Variants in GLMN observed in about 807,000 individuals in gnomAD.
The protein encoded by GLMN is glomulin, FKBP associated protein.
In GLMN, 75 loss-of-function variants were observed where a neutral mutation model predicts 87.8. That is an observed-to-expected ratio of 0.85 (90% confidence interval 0.71 to 1.04). The LOEUF is 1.04. GLMN is among the 50% of genes least tolerant of loss of function. The pLI is 0.00. For missense variants in GLMN, 588 were observed against 658.8 expected (o/e 0.89, Z 1.18); for synonymous variants, 206 against 221.6 (o/e 0.93, Z 0.63).
intron 1 of GLMN, among the ~76,000 whole-genome samples, chr1:92,298,465 T>G (rs1387054964): frequency 6.6e-6 from 1 of 152,106 alleles, no homozygotes; most frequent in Admixed American, 6.5e-5. Context: ...ATCAGGGGAT[T>G]TTTCATTTTT....
chr1:92,333,055 G>T, the GLMN span, among the ~76,000 whole-genome samples: 1 of 151,856 alleles, frequency 6.6e-6, no homozygotes, highest in Non-Finnish European at 1.5e-5. Flanking sequence ...TATAGTATTT[G>T]CTAATTTTAA....
the GLMN span, among the ~76,000 whole-genome samples, chr1:92,339,003 A>G: frequency 6.6e-6 from 1 of 152,214 alleles, no homozygotes; most frequent in South Asian, 2.1e-4. Flanking sequence ...GTTATGCTGT[A>G]CATATCAGAA....
intron 4 of GLMN, 107 bp downstream of exon 4, chr1:92,291,311 T>C (rs1649375408): frequency 5.1e-6 from 5 of 982,764 alleles, no homozygotes; most frequent in South Asian, 4.1e-5. Context: ...CCTTTCTGCA[T>C]GTACTTTCAT....
chr1:92,269,689 A>G (rs746221858), intron 9 of GLMN, 34 bp downstream of exon 9: 3 of 1,430,264 alleles, frequency 2.1e-6, no homozygotes, highest in Admixed American at 1.7e-5. Flanking sequence ...TAACACTACT[A>G]TTTCATTTTG....
rs192438337 is a variant in GLMN, at chr1:92,279,277, G to A, written c.735+7213C>T. On this transcript the variant is annotated intron_variant, in intron 7 of 18. Transcript: ENST00000370360. ...TTGAGACCAGCTTGGCCAACATGGCGAAACCCCAACTCTACTAAAAATACA... is the reference window on the plus strand; with the variant it reads ...TTGAGACCAGCTTGGCCAACATGGCAAAACCCCAACTCTACTAAAAATACA... Among the ~76,000 whole-genome samples the A allele has an allele frequency of 4.5e-4, 69 of 152,018 alleles. No homozygotes were observed. The East Asian group carries it at 0.011, about 24-fold the overall frequency.
chr1:92,264,636 C>T lies in GLMN; in HGVS notation c.1217G>A (p.Cys406Tyr), dbSNP rs1210590745. 1 of 1,543,346 alleles carries T rather than the reference C, an allele frequency of 6.5e-7. No homozygotes were observed. The highest frequency in any genetic ancestry group is 1.7e-5 in the Admixed American group (1 of 59,946). ...TGAGTGATTACTTGTATTCAATAAG[C>T]ACCTTGAAAGCAAAATTACAATAGA... Reference protein sequence around the residue: ...DSQGKYTLFRCLLNTSNHSGV... With the variant: ...DSQGKYTLFRYLLNTSNHSGV... Residue 406 changes from cysteine to tyrosine, a missense_variant and splice_region_variant, in exon 14 of 19, where the codon TGC becomes TAC. Cys to Tyr is a radical substitution (Grantham distance 194, BLOSUM62 -2). Coordinates refer to ENST00000370360, the MANE Select transcript of GLMN (RefSeq NM_053274.3).
chr1:92,356,952 GC>G, the GLMN span, among the ~76,000 whole-genome samples: 1 of 151,906 alleles, frequency 6.6e-6, no homozygotes, highest in Non-Finnish European at 1.5e-5. Context: ...TGTAATCTCA[GC>G]TACTCAGGAT....
chr1:92,333,400 A>G, the GLMN span: 2 of 1,612,804 alleles, frequency 1.2e-6, no homozygotes, highest in Non-Finnish European at 1.7e-6. Context: ...GCATGATTCC[A>G]CCTTTCCACT....
At chr1:92,326,987 G>T in the GLMN span, among the ~76,000 whole-genome samples, 1 of 152,176 alleles carries the variant, frequency 6.6e-6, no homozygotes, top group Non-Finnish European at 1.5e-5. Flanking sequence ...TGTTCATTTG[G>T]AATTGTTACA....
intron 14 of GLMN, among the ~76,000 whole-genome samples, chr1:92,264,108 GAGTTCAAGACGA>G (rs1655340383): frequency 1.3e-5 from 2 of 152,148 alleles, no homozygotes; most frequent in African/African-American, 4.8e-5. Flanking sequence ...TTGAGATCAG[GAGTTCAAGACGA>G]GCCTGGGCAA....
chr1:92,286,673 T>C, intron 6 of GLMN, 81 bp from the exon 7 acceptor site: 1 of 772,112 alleles, frequency 1.3e-6, no homozygotes, highest in Admixed American at 1.8e-5. Context: ...AAGTTAATTT[T>C]ACTTGAAAAA....
At chr1:92,319,155 C>T in the GLMN span, among the ~76,000 whole-genome samples, 1 of 152,166 alleles carries the variant, frequency 6.6e-6, no homozygotes, top group African/African-American at 2.4e-5. Flanking sequence ...ATAAGCCCAG[C>T]TGAAATGACA....
the GLMN span, among the ~76,000 whole-genome samples, chr1:92,332,476 G>A: frequency 1.3e-5 from 2 of 151,912 alleles, no homozygotes; most frequent in Non-Finnish European, 2.9e-5. Context: ...ATATTGTCGT[G>A]TTTTATTATA....
upstream of GLMN, chr1:92,300,299 C>A: frequency 3.1e-6 from 4 of 1,271,114 alleles, no homozygotes; most frequent in South Asian, 1.3e-5. Flanking sequence ...TTACTTGTAC[C>A]AATTTTAAAA....
At position 92,288,592 on chromosome 1, in the gene GLMN, A is replaced by G. The variant is rs529247137; in HGVS notation, c.632+322T>C. Among the ~76,000 whole-genome samples, 21 of 152,076 alleles carry G rather than the reference A, an allele frequency of 1.4e-4. No homozygotes were observed. The South Asian group carries it at 4.2e-3, about 30-fold the overall frequency. ...CAGGTATATGCCACTACATCTAGCT[A>G]ATTTTTAAATTTTTTTATAGAGATG... On this transcript the variant is annotated intron_variant, in intron 6 of 18. Coordinates refer to ENST00000370360, the MANE Select transcript of GLMN (RefSeq NM_053274.3).
chr1:92,353,206 A>G, the GLMN span, among the ~76,000 whole-genome samples: 1 of 152,184 alleles, frequency 6.6e-6, no homozygotes, highest in East Asian at 1.9e-4. Context: ...TTAGGTATAT[A>G]CCTAGGAGTA....
intron 5 of GLMN, among the ~76,000 whole-genome samples, 158 bp from the exon 6 acceptor site, chr1:92,289,309 T>G (rs1049003873): frequency 1.3e-5 from 2 of 152,208 alleles, no homozygotes; most frequent in Non-Finnish European, 2.9e-5. Context: ...TTTTTTCTTC[T>G]TAGTTGTGCA....
chr1:92,305,019 CAGCTACTCAGAA>C, the GLMN span, among the ~76,000 whole-genome samples: 1 of 152,028 alleles, frequency 6.6e-6, no homozygotes, highest in Non-Finnish European at 1.5e-5. Flanking sequence ...CCTGTAGTCC[CAGCTACTCAGAA>C]AGCTGAGGCA....
chr1:92,299,506 G>T (rs1198763030), upstream of GLMN, among the ~76,000 whole-genome samples: 2 of 152,106 alleles, frequency 1.3e-5, no homozygotes, highest in African/African-American at 4.8e-5. Flanking sequence ...CTCCTTTCCA[G>T]ATTGCTTGGG....
Sources: gnomAD v4.1 joint callset for allele counts (sites outside exome capture counted in the v4.1 genomes callset) on GRCh38, gnomAD v4.1.1 for gene constraint, MANE v1.5 for transcripts, NCBI Gene and HGNC (gene_info 2026-07-23, HGNC 2026-07-21) for gene names.